TAF9B: variants seen among roughly 807,000 people sequenced by gnomAD.
The protein encoded by TAF9B is TATA-box binding protein associated factor 9b.
A neutral mutation model predicts 17.6 loss-of-function variants in TAF9B; 47 were observed. The observed-to-expected ratio is 2.68, with a 90% CI of 2.12 to 3.41. The LOEUF is 3.41. Ranked by LOEUF, TAF9B falls within the 30% of genes most tolerant of loss-of-function variation. The pLI is 0.00. For missense variants in TAF9B, 218 were observed against 189.3 expected, an observed-to-expected ratio of 1.15 and a Z score of -0.89; for synonymous variants, 84 against 68.7, an observed-to-expected ratio of 1.22 and a Z score of -1.10.
chrX:78,132,298 A>G (rs1336758214), intron 6 of TAF9B, among the ~76,000 whole-genome samples: 1 of 111,943 alleles, frequency 8.9e-6, no homozygotes, highest in Non-Finnish European at 1.9e-5. Context: ...CCTGCCAATA[A>G]TTGTGTATAT....
Position 78,139,558 on chromosome X carries a change from T to C in TAF9B, c.51+3A>G. 7 of 1,211,569 alleles carry C rather than the reference T, an allele frequency of 5.8e-6. No homozygotes were observed. In the South Asian group the frequency reaches 1.2e-4, roughly 21 times the overall value. ...CGATCCGCGGCTTATCCTTCGCACTTACCAAGGCATCTCTCGGAGCGTTCT... is the reference window on the plus strand; with the variant it reads ...CGATCCGCGGCTTATCCTTCGCACTCACCAAGGCATCTCTCGGAGCGTTCT... On this transcript the variant is annotated splice_donor_region_variant and intron_variant, in intron 1 of 6. Coordinates refer to ENST00000341864, the MANE Select transcript of TAF9B (RefSeq NM_015975.5).
At position 78,139,595 on chromosome X, in the gene TAF9B, A is replaced by C; in HGVS notation, c.17T>G (p.Met6Arg). MESGK[M>R]APPKNAPRDA... ...TCTCGGAGCGTTCTTGGGAGGCGCC[A>C]TCTTGCCCGACTCCATGTTATCCAG... The change falls in exon 1 of 7, where the codon ATG (methionine) becomes AGG (arginine). Residue 6 changes from methionine to arginine, a missense_variant. Physicochemically the swap from Met to Arg is moderately conservative, Grantham distance 91 (BLOSUM62 -1). Coordinates refer to ENST00000341864, the MANE Select transcript of TAF9B (RefSeq NM_015975.5). The C allele has an allele frequency of 8.3e-7, 1 of 1,211,742 alleles. No individual in the cohort carries two copies. Among genetic ancestry groups the C allele is most frequent in the Non-Finnish European group, 1.1e-6 (1 of 895,379 alleles).
At chrX:78,133,192 G>C (rs1557249699) in intron 6 of TAF9B, 146 bp downstream of exon 6, 5 of 444,489 alleles carry the variant, frequency 1.1e-5, no homozygotes. Context: ...AGGGCTCATA[G>C]GTCCCTCTGA....
chrX:78,137,621 A>T, intron 4 of TAF9B, 128 bp downstream of exon 4: 2 of 655,786 alleles, frequency 3.0e-6, no homozygotes, highest in Non-Finnish European at 4.3e-6. Flanking sequence ...ATTTTTTAAA[A>T]TTAAAAAAAT....
At chrX:78,136,233 C>T (rs1350784890) in intron 5 of TAF9B, among the ~76,000 whole-genome samples, 1 of 111,310 alleles carries the variant, frequency 9.0e-6, no homozygotes, top group Non-Finnish European at 1.9e-5. Flanking sequence ...TAAAAAGAAA[C>T]AAATAATGGT....
At position 78,136,919 on chromosome X, in the gene TAF9B, A is replaced by G. The variant is rs782111081; in HGVS notation, c.477T>C (p.Thr159=). ...GAVSSKPTTP[T]IATPQTVSVP... The stretch of plus-strand genomic sequence containing the variant: ...CCATTGTCTCCTCTCACTTACCTAT[A>G]GTAGGAGTAGTAGGTTTGCTACTAA... Residue 159 remains threonine (T), a synonymous_variant, in exon 5 of 7, where the codon ACT becomes ACC. Transcript: ENST00000341864. 1 of 1,193,631 alleles carries G rather than the reference A, an allele frequency of 8.4e-7. No individual in the cohort carries two copies.
rs782577821 is a variant in TAF9B, at chrX:78,131,742, C to A, written c.624G>T (p.Leu208=). 2.7e-5 allele frequency: 33 copies of A among 1,207,376 alleles called. No individual in the cohort carries two copies. In the Middle Eastern group the frequency reaches 6.9e-4, roughly 25 times the overall value. The part of the protein sequence containing the change: ...VPATTAVQNV[L]INPSMIGPKN... Reference sequence around the variant, plus strand: ...TGGGCCCAATCATTGAAGGATTAATCAGAACATTTTGAACTGCAGTTGTTG... The same window carrying A: ...TGGGCCCAATCATTGAAGGATTAATAAGAACATTTTGAACTGCAGTTGTTG... The change falls in exon 7 of 7, where the codon CTG becomes CTT. Residue 208 remains leucine (L), a synonymous_variant. Transcript: ENST00000341864.
In TAF9B at chrX:78,139,633, C is replaced by T. The variant is rs782015949; in HGVS notation, c.-22G>A. Reference sequence around the variant, plus strand: ...CCATGTTATCCAGCCACTCGTCATCCGCGGAGACAGAGGAGAGAGGAGAGC... The same window carrying T: ...CCATGTTATCCAGCCACTCGTCATCTGCGGAGACAGAGGAGAGAGGAGAGC... On this transcript the variant is annotated 5_prime_UTR_variant, in exon 1 of 7. Transcript: ENST00000341864. 1.2e-5 allele frequency: 15 copies of T among 1,209,793 alleles called. No homozygotes were observed. The highest frequency in any genetic ancestry group is 2.3e-4 in the Middle Eastern group (1 of 4,365).
At chrX:78,133,289 C>A in intron 6 of TAF9B, 49 bp downstream of exon 6, 1 of 1,048,528 alleles carries the variant, frequency 9.5e-7, no homozygotes, top group South Asian at 1.9e-5. Flanking sequence ...AACGGTCCTA[C>A]AATTTCAAAT....
At chrX:78,134,358 G>GT (rs1183162174) in intron 5 of TAF9B, among the ~76,000 whole-genome samples, 1 of 111,331 alleles carries the variant, frequency 9.0e-6, no homozygotes, top group Admixed American at 9.6e-5. Flanking sequence ...CTCCTAATAG[G>GT]TACTCAACAA....
chrX:78,135,432 CAAAA>C (rs1413527723), intron 5 of TAF9B, among the ~76,000 whole-genome samples: 1 of 95,631 alleles, frequency 1.0e-5, no homozygotes, highest in African/African-American at 3.8e-5. Context: ...AAAAAAAACA[CAAAA>C]AAACAAAAAT....
chrX:78,132,809 C>T (rs781990220), intron 6 of TAF9B, among the ~76,000 whole-genome samples: 4 of 110,891 alleles, frequency 3.6e-5, no homozygotes, highest in South Asian at 3.8e-4. Flanking sequence ...GTTTAGCTGA[C>T]GGTGTTCTTT....
Position 78,131,271 on chromosome X carries a change from G to A in TAF9B, c.*339C>T, listed in dbSNP as rs1433750179. 8 of 132,842 alleles carry A rather than the reference G, an allele frequency of 6.0e-5. No individual in the cohort carries two copies. Among genetic ancestry groups the A allele is most frequent in the Admixed American group, 8.8e-5 (1 of 11,313 alleles). 10.9% of individuals were successfully genotyped at this position (132,842 alleles called of 1,213,427 possible). On this transcript the variant is annotated 3_prime_UTR_variant, in exon 7 of 7. Transcript: ENST00000341864. ...TTAAATGTAGATCAGAAATTATGCT[G>A]TCAAAGATAAATCTGCTGACTAGGC...
In TAF9B at chrX:78,137,767, C is replaced by CA. The variant is rs2078439501; in HGVS notation, c.386dup (p.Lys130GlufsTer5). On this transcript the variant is annotated frameshift_variant, in exon 4 of 7. Coordinates refer to ENST00000341864, the MANE Select transcript of TAF9B (RefSeq NM_015975.5). LOFTEE classifies it high-confidence loss of function. Reference sequence around the variant, plus strand: ...TTCTTACCTTTTTAATTAAGGACTTCAGCCTATAGTTTGGAGCTGTTAAGC... The same window carrying CA: ...TTCTTACCTTTTTAATTAAGGACTTCAAGCCTATAGTTTGGAGCTGTTAAGC... The CA allele has an allele frequency of 8.4e-7, 1 of 1,192,556 alleles. No individual in the cohort carries two copies.
chrX:78,130,547 A>G lies in TAF9B; in HGVS notation c.*1063T>C, dbSNP rs1270312784. 2.7e-5 allele frequency: 3 copies of G among 112,663 alleles called. No individual in the cohort carries two copies. Among genetic ancestry groups the G allele is most frequent in the Non-Finnish European group, 5.6e-5 (3 of 53,320 alleles). The allele number at this position is 112,663 out of a possible 1,213,427, so 9.3% of individuals were successfully genotyped here. Reference sequence around the variant, plus strand: ...CTTATATGTGACATCCTCAGCAACAAGCTAAAATGATCTGAATTATACCAA... The same window carrying G: ...CTTATATGTGACATCCTCAGCAACAGGCTAAAATGATCTGAATTATACCAA... On this transcript the variant is annotated 3_prime_UTR_variant, in exon 7 of 7. Transcript: ENST00000341864.
chrX:78,135,763 G>T (rs1381294570), intron 5 of TAF9B, among the ~76,000 whole-genome samples: 2 of 111,945 alleles, frequency 1.8e-5, no homozygotes, highest in African/African-American at 6.5e-5. Flanking sequence ...TGGTTAACCT[G>T]CCTAACACAC....
chrX:78,136,923 G>C lies in TAF9B; in HGVS notation c.473C>G (p.Pro158Arg). 1 of 1,197,429 alleles carries C rather than the reference G, an allele frequency of 8.4e-7. No homozygotes were observed. Among genetic ancestry groups the C allele is most frequent in the Non-Finnish European group, 1.1e-6 (1 of 883,547 alleles). Residue 158 changes from proline to arginine, a missense_variant, in exon 5 of 7, where the codon CCT becomes CGT. Coordinates refer to ENST00000341864, the MANE Select transcript of TAF9B (RefSeq NM_015975.5). The stretch of plus-strand genomic sequence containing the variant: ...TGTCTCCTCTCACTTACCTATAGTA[G>C]GAGTAGTAGGTTTGCTACTAACAGC... The part of the protein sequence containing the change: ...VGAVSSKPTT[P>R]TIATPQTVSV...
chrX:78,132,168 A>AT (rs1557249577), intron 6 of TAF9B, among the ~76,000 whole-genome samples: 1 of 110,049 alleles, frequency 9.1e-6, no homozygotes, highest in African/African-American at 3.3e-5. Flanking sequence ...TAATTTTTGT[A>AT]TTTTCAGTAG....
chrX:78,139,002 T>C, intron 1 of TAF9B, 78 bp from the exon 2 acceptor site: 1 of 799,462 alleles, frequency 1.3e-6, no homozygotes, highest in Middle Eastern at 2.9e-4. Context: ...AGTATTTATA[T>C]TTATGATACA....
Sources: gnomAD v4.1 joint callset for allele counts (sites outside exome capture counted in the v4.1 genomes callset) on GRCh38, gnomAD v4.1.1 for gene constraint, MANE v1.5 for transcripts, NCBI Gene and HGNC (gene_info 2026-07-23, HGNC 2026-07-21) for gene names.